The following TANC1 variants were observed in gnomAD, a reference collection of about 807,000 sequenced individuals.
The protein encoded by TANC1 is protein TANC1.
Under a neutral mutation model 149.7 loss-of-function variants are expected in TANC1, and 77 were observed. The ratio of observed to expected loss-of-function variants is 0.51; its 90% CI spans 0.43 to 0.62. The LOEUF (loss-of-function observed/expected upper bound fraction) is 0.62, where lower values mean the gene tolerates loss of function less well. Among genes scored for constraint, TANC1 ranks in the 20% least tolerant of loss-of-function variants. The probability of loss-of-function intolerance (pLI) is 0.00; values close to 1 mark genes in which losing one functional copy is unlikely to be tolerated. For missense variants in TANC1, 1,985 were observed against 2,321.8 expected (o/e 0.85, Z 2.98); for synonymous variants, 854 against 925.0 (o/e 0.92, Z 1.39).
chr2:159,088,707 C>T (rs970839664), intron 3 of TANC1, among the ~76,000 whole-genome samples: 1 of 152,110 alleles, frequency 6.6e-6, no homozygotes, highest in Non-Finnish European at 1.5e-5. Context: ...TTAAAAAACT[C>T]ATCGGCTATC....
At chr2:159,060,259 G>A (rs1276415640) in intron 2 of TANC1, 2 of 185,166 alleles carry the variant, frequency 1.1e-5, no homozygotes, top group Non-Finnish European at 2.0e-5. Flanking sequence ...TGCTACTCTG[G>A]CTTTATTATT....
At position 159,227,909 on chromosome 2, in the gene TANC1, A is replaced by C. The variant is rs1440542548; in HGVS notation, c.3994A>C (p.Asn1332His). The change falls in exon 25 of 27, where the codon AAT (asparagine) becomes CAT (histidine). Residue 1332 changes from asparagine (N) to histidine (H), a missense_variant. Asn to His is a moderately conservative substitution (Grantham distance 68). Coordinates refer to ENST00000263635, the MANE Select transcript of TANC1 (RefSeq NM_033394.3). Reference protein sequence around the residue: ...EGFGEDMRPFNELRVSLYLNL... With the variant: ...EGFGEDMRPFHELRVSLYLNL... ...ATTCGGAGAGGACATGAGACCCTTC[A>C]ATGAATTAAGGGTTTCCCTCTATCT... 6.2e-7 allele frequency: 1 copy of C among 1,614,174 alleles called. No homozygotes were observed.
intron 16 of TANC1, among the ~76,000 whole-genome samples, chr2:159,190,879 G>T (rs1264489244): frequency 5.3e-5 from 8 of 152,240 alleles, no homozygotes; most frequent in Non-Finnish European, 1.2e-4. Flanking sequence ...GTAGCATAAT[G>T]CAGTCTTAAA....
At chr2:158,996,950 T>C (rs899874489) in intron 1 of TANC1, among the ~76,000 whole-genome samples, 4 of 150,578 alleles carry the variant, frequency 2.7e-5, no homozygotes. Context: ...TGTGGGGTGT[T>C]GGGAGTGGGG....
At chr2:159,108,240 G>GC (rs2047382779) in intron 4 of TANC1, among the ~76,000 whole-genome samples, 1 of 152,224 alleles carries the variant, frequency 6.6e-6, no homozygotes. Flanking sequence ...CAGGCGCTGA[G>GC]CAAAAGGGAG....
intron 4 of TANC1, among the ~76,000 whole-genome samples, chr2:159,127,427 A>G (rs1240609271): frequency 6.6e-6 from 1 of 152,258 alleles, no homozygotes; most frequent in African/African-American, 2.4e-5. Context: ...CTAGAACCAG[A>G]AATACCATTT....
In TANC1 at chr2:159,038,107, CTT is replaced by C. The variant is rs201873387; in HGVS notation, c.-15-27787_-15-27786del. 1.1e-3 allele frequency among the ~76,000 whole-genome samples: 169 copies of C among 152,226 alleles called. No homozygotes were observed. The East Asian group carries it at 0.029, about 26-fold the overall frequency. ...GTTGTATTCCTAGGTATTTTATTCT[CTT>C]TGTAGCAATTGTGAATGGGAGTTCA... On this transcript the variant is annotated intron_variant, in intron 2 of 26. Coordinates refer to ENST00000263635, the MANE Select transcript of TANC1 (RefSeq NM_033394.3).
chr2:159,012,375 A>G (rs145154411), intron 2 of TANC1, among the ~76,000 whole-genome samples: 26 of 152,292 alleles, frequency 1.7e-4, no homozygotes, highest in African/African-American at 6.0e-4. Flanking sequence ...TGCCGATAGC[A>G]ATGTCTTTCA....
In TANC1 at chr2:159,231,043, G is replaced by A. The variant is rs753466137; in HGVS notation, c.*31G>A. The A allele has an allele frequency of 2.0e-6, 3 of 1,515,194 alleles. No homozygotes were observed. The highest frequency in any genetic ancestry group is 2.7e-6 in the Non-Finnish European group (3 of 1,116,470). The allele number at this position is 1,515,194 out of a possible 1,614,324, so 93.9% of individuals were successfully genotyped here. On this transcript the variant is annotated 3_prime_UTR_variant, in exon 27 of 27. Transcript: ENST00000263635. ...AAGAAATCCCCATTTGTGGAATTTG[G>A]AAACGTGTGTTGACTCCTGGTGGTA...
At chr2:159,177,636 C>T (rs1362443810) in intron 13 of TANC1, among the ~76,000 whole-genome samples, 1 of 152,184 alleles carries the variant, frequency 6.6e-6, no homozygotes, top group Admixed American at 6.5e-5. Flanking sequence ...GTTTTCAGAG[C>T]TTCAGATAGC....
intron 22 of TANC1, among the ~76,000 whole-genome samples, chr2:159,221,101 G>A (rs13410503): frequency 0.087 from 13,185 of 152,088 alleles, 1,210 homozygotes; most frequent in East Asian, 0.23. Flanking sequence ...CTGTAATCCC[G>A]GCACTTTGGG....
At chr2:159,069,791 C>G (rs1359811356) in intron 3 of TANC1, among the ~76,000 whole-genome samples, 1 of 102,684 alleles carries the variant, frequency 9.7e-6, no homozygotes, top group South Asian at 3.2e-4. Flanking sequence ...TTTTTTGAGA[C>G]AGGGTTTTGC....
chr2:159,053,385 T>A (rs1199929373), intron 2 of TANC1, among the ~76,000 whole-genome samples: 1 of 152,202 alleles, frequency 6.6e-6, no homozygotes, highest in African/African-American at 2.4e-5. Context: ...TGGCCAAGAA[T>A]GATTTCCTTT....
At chr2:159,132,786 G>T (rs1274552925) in intron 4 of TANC1, among the ~76,000 whole-genome samples, 2 of 151,508 alleles carry the variant, frequency 1.3e-5, no homozygotes, top group Admixed American at 6.6e-5. Flanking sequence ...GAACCACCGT[G>T]CCAGGCCTGG....
chr2:159,012,782 AT>A (rs1312795379), intron 2 of TANC1, among the ~76,000 whole-genome samples: 1 of 152,226 alleles, frequency 6.6e-6, no homozygotes, highest in Non-Finnish European at 1.5e-5. Context: ...AATGACCTAA[AT>A]ATAAAGCTCT....
intron 2 of TANC1, among the ~76,000 whole-genome samples, chr2:159,051,113 T>C (rs2041432430): frequency 6.6e-6 from 1 of 152,248 alleles, no homozygotes; most frequent in Non-Finnish European, 1.5e-5. Context: ...ATCCACCGTC[T>C]CTAATTCAAA....
At chr2:159,197,154 C>T (rs758376174) in intron 18 of TANC1, among the ~76,000 whole-genome samples, 1 of 152,202 alleles carries the variant, frequency 6.6e-6, no homozygotes, top group Non-Finnish European at 1.5e-5. Context: ...AAAATAATCA[C>T]ATAGAATCCT....
At chr2:159,070,462 T>TG (rs1332533896) in intron 3 of TANC1, among the ~76,000 whole-genome samples, 3 of 152,230 alleles carry the variant, frequency 2.0e-5, no homozygotes, top group Admixed American at 2.0e-4. Context: ...CTCTTGATAT[T>TG]GTGTATTCTG....
chr2:159,140,897 G>A (rs1029455628), intron 5 of TANC1, among the ~76,000 whole-genome samples: 2 of 151,974 alleles, frequency 1.3e-5, no homozygotes, highest in African/African-American at 2.4e-5. Flanking sequence ...TGCCATGTTA[G>A]CCAAGCTGGT....
Sources: gnomAD v4.1 joint callset for allele counts (sites outside exome capture counted in the v4.1 genomes callset) on GRCh38, gnomAD v4.1.1 for gene constraint, MANE v1.5 for transcripts, NCBI Gene and HGNC (gene_info 2026-07-23, HGNC 2026-07-21) for gene names.